Variants in ZNF83 observed in about 807,000 individuals in gnomAD.
ZNF83 encodes zinc finger protein 83, also known as zinc finger protein 816B.
For missense variants in ZNF83, 552 were observed against 629.9 expected, an observed-to-expected ratio of 0.88 and a Z score of 1.32; for synonymous variants, 209 against 213.0, an observed-to-expected ratio of 0.98 and a Z score of 0.17.
intron 3 of ZNF83, among the ~76,000 whole-genome samples, chr19:52,649,105 G>T (rs1208708489): frequency 6.6e-6 from 1 of 152,142 alleles, no homozygotes; most frequent in African/African-American, 2.4e-5. Context: ...ACACACGGTT[G>T]TTCTTCAGCA....
chr19:52,631,367 T>A (rs2060952701), intron 2 of ZNF83, among the ~76,000 whole-genome samples: 1 of 152,202 alleles, frequency 6.6e-6, no homozygotes, highest in African/African-American at 2.4e-5. Context: ...CTGTAGCCTT[T>A]CTGTCCAAAC....
At chr19:52,636,138 A>C (rs1445000116) in intron 1 of ZNF83, 1 of 151,820 alleles carries the variant, frequency 6.6e-6, no homozygotes, top group Admixed American at 6.6e-5. Context: ...TTCTACAAAA[A>C]AAAAAAAAAG....
At chr19:52,664,362 G>A (rs1241505766) in intron 1 of ZNF83, among the ~76,000 whole-genome samples, 3 of 151,964 alleles carry the variant, frequency 2.0e-5, no homozygotes, top group Non-Finnish European at 4.4e-5. Context: ...CCTATGCGGT[G>A]GCATGTAGCT....
chr19:52,676,582 A>C (rs2147331474), intron 1 of ZNF83, among the ~76,000 whole-genome samples: 2 of 151,210 alleles, frequency 1.3e-5, no homozygotes, highest in South Asian at 2.1e-4. Flanking sequence ...CCTACTGGGA[A>C]GTGAGGAGCC....
chr19:52,687,594 ATAAT>A (rs1375094080), intron 1 of ZNF83, among the ~76,000 whole-genome samples: 1 of 38,268 alleles, frequency 2.6e-5, no homozygotes, highest in South Asian at 5.9e-4. Context: ...ATATATATAT[ATAAT>A]GTATATATAT....
At chr19:52,641,097 A>T (rs555919610), upstream of ZNF83, among the ~76,000 whole-genome samples, 8 of 149,302 alleles carry the variant, frequency 5.4e-5, no homozygotes, top group South Asian at 8.5e-4. Context: ...AGATGACGAT[A>T]ACCCTCTGGT....
intron 2 of ZNF83, among the ~76,000 whole-genome samples, chr19:52,633,383 C>T (rs991599661): frequency 2.0e-5 from 3 of 152,204 alleles, no homozygotes; most frequent in African/African-American, 4.8e-5. Context: ...TCTCTTCACA[C>T]GGACGTGCAT....
chr19:52,654,620 G>A (rs12610447), intron 3 of ZNF83, among the ~76,000 whole-genome samples: 17,964 of 152,140 alleles, frequency 0.12, 1,198 homozygotes, highest in Admixed American at 0.13. Flanking sequence ...AGGACGCTGA[G>A]GCAGGAGAAT....
At chr19:52,613,428 G>A (rs573113833) in exon 3 of ZNF83, 1 of 1,613,876 alleles carries the variant, frequency 6.2e-7, no homozygotes, top group Admixed American at 1.7e-5. Context: ...TGAATGCTTT[G>A]TCACATTCAT....
At chr19:52,676,519 C>T (rs1437771874) in intron 1 of ZNF83, among the ~76,000 whole-genome samples, 4 of 151,334 alleles carry the variant, frequency 2.6e-5, no homozygotes, top group African/African-American at 4.8e-5. Flanking sequence ...AGCCCCCGCC[C>T]GGCCAGCCGC....
intron 2 of ZNF83, among the ~76,000 whole-genome samples, chr19:52,622,416 T>C (rs76543386): frequency 2.0e-5 from 3 of 152,016 alleles, no homozygotes; most frequent in African/African-American, 4.8e-5. Context: ...CCCAGATGAG[T>C]GGGATAGAGT....
intron 1 of ZNF83, among the ~76,000 whole-genome samples, chr19:52,686,330 C>T (rs1852822761): frequency 6.6e-6 from 1 of 151,760 alleles, no homozygotes; most frequent in Non-Finnish European, 1.5e-5. Flanking sequence ...GGAACATATA[C>T]ATGTACAGAA....
At chr19:52,625,716 T>C (rs1168057525) in intron 2 of ZNF83, among the ~76,000 whole-genome samples, 2 of 152,170 alleles carry the variant, frequency 1.3e-5, no homozygotes, top group African/African-American at 4.8e-5. Flanking sequence ...CTTCAGACTC[T>C]CCTCCCAGGC....
intron 2 of ZNF83, among the ~76,000 whole-genome samples, chr19:52,632,089 G>A (rs543043): frequency 0.33 from 48,932 of 150,180 alleles, 6,456 homozygotes; most frequent in East Asian, 0.57. Flanking sequence ...TTCCTACAGG[G>A]TCTGAGAAGG....
intron 1 of ZNF83, among the ~76,000 whole-genome samples, chr19:52,662,540 T>C (rs1472983557): frequency 1.3e-5 from 2 of 152,134 alleles, no homozygotes; most frequent in African/African-American, 4.8e-5. Context: ...TAATTACCTG[T>C]TTTTTCCATT....
intron 3 of ZNF83, among the ~76,000 whole-genome samples, chr19:52,650,254 TTTCTTTC>T (rs760082250): frequency 1.6e-4 from 16 of 99,430 alleles, no homozygotes; most frequent in Admixed American, 2.4e-4. Flanking sequence ...GCTTGTTACT[TTTCTTTC>T]TTTTTTTTTT....
chr19:52,618,697 A>T (rs1482393599), intron 2 of ZNF83: 50 of 733,366 alleles, frequency 6.8e-5, no homozygotes, highest in South Asian at 2.6e-4. Context: ...ACGCCTTGCC[A>T]GCCATAAGGT....
intron 1 of ZNF83, among the ~76,000 whole-genome samples, chr19:52,664,568 C>T (rs67885014): frequency 0.2 from 30,108 of 152,006 alleles, 3,733 homozygotes; most frequent in Non-Finnish European, 0.26. Flanking sequence ...CCAATTAACA[C>T]GAACTTTTAA....
At chr19:52,674,955 A>G (rs2061778905) in intron 1 of ZNF83, among the ~76,000 whole-genome samples, 1 of 152,180 alleles carries the variant, frequency 6.6e-6, no homozygotes, top group South Asian at 2.1e-4. Context: ...TTCTGACATC[A>G]AGTGATCTAC....
Sources: allele counts gnomAD v4.1 joint callset (sites outside exome capture counted in the v4.1 genomes callset), GRCh38; gene constraint gnomAD v4.1.1; transcripts MANE v1.5; gene names NCBI Gene and HGNC (gene_info 2026-07-23, HGNC 2026-07-21).